Variants in ITPRID1 observed in about 807,000 individuals in gnomAD.
ITPRID1 encodes protein ITPRID1.
Under a neutral mutation model 95.4 loss-of-function variants are expected in ITPRID1, and 96 were observed. That is an observed-to-expected ratio of 1.01 (90% CI 0.85 to 1.19). The LOEUF (loss-of-function observed/expected upper bound fraction) is 1.19. Among genes scored for constraint, ITPRID1 ranks in the 50% most tolerant of loss-of-function variants. ITPRID1 has a pLI of 0.00. For missense variants in ITPRID1, 1,339 were observed against 1,252.9 expected (o/e 1.07, Z -1.04); for synonymous variants, 510 against 453.6 (o/e 1.12, Z -1.58).
At chr7:31,542,608 G>A (rs771979352) in intron 1 of ITPRID1, among the ~76,000 whole-genome samples, 1 of 152,140 alleles carries the variant, frequency 6.6e-6, no homozygotes, top group Admixed American at 6.6e-5. Flanking sequence ...AAGATTAGAA[G>A]TTAGGATATT....
chr7:31,633,163 G>T (rs1384563394), intron 10 of ITPRID1, among the ~76,000 whole-genome samples: 1 of 152,096 alleles, frequency 6.6e-6, no homozygotes, highest in Non-Finnish European at 1.5e-5. Context: ...GGGATTACAG[G>T]CGTGAGCTAC....
At chr7:31,537,226 A>G (rs568778041) in intron 1 of ITPRID1, among the ~76,000 whole-genome samples, 8 of 152,138 alleles carry the variant, frequency 5.3e-5, no homozygotes, top group East Asian at 1.9e-4. Context: ...ACTCACATAA[A>G]GGTCATAGAA....
At chr7:31,552,719 A>T (rs1784321716) in intron 2 of ITPRID1, among the ~76,000 whole-genome samples, 1 of 152,192 alleles carries the variant, frequency 6.6e-6, no homozygotes, top group Non-Finnish European at 1.5e-5. Context: ...CTCTCCGTCC[A>T]CATCCCAGAC....
chr7:31,550,467 A>G (rs1441569016), intron 2 of ITPRID1, among the ~76,000 whole-genome samples: 2 of 152,162 alleles, frequency 1.3e-5, no homozygotes, highest in African/African-American at 4.8e-5. Flanking sequence ...AGGCAGTCAC[A>G]TGCCATAACT....
intron 10 of ITPRID1, among the ~76,000 whole-genome samples, chr7:31,609,131 A>G (rs1266255807): frequency 6.6e-6 from 1 of 151,506 alleles, no homozygotes; most frequent in Non-Finnish European, 1.5e-5. Flanking sequence ...AAATTCACTG[A>G]TTTTCAGATG....
chr7:31,552,088 A>T (rs1047334346), intron 2 of ITPRID1, among the ~76,000 whole-genome samples: 1 of 143,224 alleles, frequency 7.0e-6, no homozygotes, highest in African/African-American at 2.5e-5. Context: ...GAGACCGAAC[A>T]ATTTCTTTTG....
chr7:31,560,226 G>A (rs1234218524), intron 5 of ITPRID1, among the ~76,000 whole-genome samples: 1 of 152,202 alleles, frequency 6.6e-6, no homozygotes, highest in East Asian at 1.9e-4. Flanking sequence ...TAGCAAGGAT[G>A]CCTGAATGGT....
chr7:31,539,335 C>G (rs1024586235), intron 1 of ITPRID1, among the ~76,000 whole-genome samples: 1 of 152,120 alleles, frequency 6.6e-6, no homozygotes, highest in African/African-American at 2.4e-5. Flanking sequence ...CAGGCATGCA[C>G]CACCACACCT....
intron 10 of ITPRID1, among the ~76,000 whole-genome samples, chr7:31,630,936 T>C (rs527669972): frequency 1.3e-5 from 2 of 152,180 alleles, no homozygotes; most frequent in Non-Finnish European, 2.9e-5. Context: ...AAAGCTAGGA[T>C]GAGAGGTAGA....
chr7:31,634,205 G>T (rs1002285756), intron 10 of ITPRID1, among the ~76,000 whole-genome samples: 3 of 152,150 alleles, frequency 2.0e-5, no homozygotes, highest in Non-Finnish European at 2.9e-5. Context: ...CCCAAGCAGG[G>T]TCCCCCTAAT....
chr7:31,599,938 T>TCCA (rs1786319809), intron 10 of ITPRID1, among the ~76,000 whole-genome samples: 5 of 152,046 alleles, frequency 3.3e-5, no homozygotes, highest in African/African-American at 9.7e-5. Flanking sequence ...GACCTCGTGA[T>TCCA]CCGCCGGCCT....
chr7:31,649,767 G>C (rs759494215), intron 12 of ITPRID1, among the ~76,000 whole-genome samples: 8 of 152,158 alleles, frequency 5.3e-5, no homozygotes, highest in Non-Finnish European at 1.0e-4. Context: ...GGGGATAGCT[G>C]GTAAGAACTC....
Position 31,656,450 on chromosome 7 carries a change from T to A in ITPRID1, c.*3621T>A, listed in dbSNP as rs1791310081. 1 of 934,768 alleles carries A rather than the reference T, an allele frequency of 1.1e-6. No individual in the cohort carries two copies. Among genetic ancestry groups the A allele is most frequent in the Admixed American group, 6.2e-5 (1 of 16,200 alleles). 57.9% of individuals were successfully genotyped at this position (934,768 alleles called of 1,614,324 possible). A position where few individuals can be genotyped will look rare whatever the true frequency, so the allele number is the denominator to read the frequency against. On this transcript the variant is annotated 3_prime_UTR_variant, in exon 15 of 15. Transcript: ENST00000615280. ...CATCACGTAGTAAGTGTTCAATGCA[T>A]GTTGGCTATTATTACAAGTGCACAT...
intron 10 of ITPRID1, among the ~76,000 whole-genome samples, chr7:31,604,796 G>C (rs1562602773): frequency 6.6e-6 from 1 of 152,136 alleles, no homozygotes; most frequent in Non-Finnish European, 1.5e-5. Context: ...AGGAAATCGA[G>C]AACCCTTTTA....
At chr7:31,529,633 C>A (rs1038997504) in intron 1 of ITPRID1, 1 of 717,576 alleles carries the variant, frequency 1.4e-6, no homozygotes, top group Non-Finnish European at 2.3e-6. Flanking sequence ...TCTTGGCTTT[C>A]TATGACCAAC....
At chr7:31,543,364 C>A (rs1415814265) in intron 1 of ITPRID1, among the ~76,000 whole-genome samples, 1 of 151,978 alleles carries the variant, frequency 6.6e-6, no homozygotes, top group Non-Finnish European at 1.5e-5. Context: ...TGGGAAAAAA[C>A]CTTTTCCAGG....
chr7:31,612,039 A>AT (rs762637907), intron 10 of ITPRID1, among the ~76,000 whole-genome samples: 46 of 149,622 alleles, frequency 3.1e-4, no homozygotes, highest in African/African-American at 8.1e-4. Flanking sequence ...ATTTTTATTC[A>AT]TTTTTTTTCT....
In ITPRID1 at chr7:31,656,006, C is replaced by T. The variant is rs796939876; in HGVS notation, c.*3177C>T. On this transcript the variant is annotated 3_prime_UTR_variant, in exon 15 of 15. Coordinates refer to ENST00000615280, the MANE Select transcript of ITPRID1 (RefSeq NM_001257967.3). ...ACCTCCTGTGTTCCTGCTTCCTCTC[C>T]TTTGCTGAAACAAATGAAGTATCTC... 60 of 985,124 alleles carry T rather than the reference C, an allele frequency of 6.1e-5. No individual in the cohort carries two copies. In the African/African-American group the frequency reaches 1.0e-3, roughly 17 times the overall value. 61.0% of individuals were successfully genotyped at this position (985,124 alleles called of 1,614,324 possible).
chr7:31,658,315 A>G (rs1353921465), downstream of ITPRID1: 5 of 1,521,556 alleles, frequency 3.3e-6, no homozygotes, highest in South Asian at 4.9e-5. Flanking sequence ...TTTTTCTTCA[A>G]AAGCAAATAA....
Sources: gnomAD v4.1 joint callset for allele counts (sites outside exome capture counted in the v4.1 genomes callset) on GRCh38, gnomAD v4.1.1 for gene constraint, MANE v1.5 for transcripts, NCBI Gene and HGNC (gene_info 2026-07-23, HGNC 2026-07-21) for gene names.